SPATS2L: variants seen among roughly 807,000 people sequenced by gnomAD.
SPATS2L encodes SPATS2-like protein.
Under a neutral mutation model 59.6 loss-of-function variants are expected in SPATS2L, and 30 were observed. That is an observed-to-expected ratio of 0.50 (90% CI 0.38 to 0.68). SPATS2L has a LOEUF of 0.68. Among genes scored for constraint, SPATS2L ranks in the 30% least tolerant of loss-of-function variants. The pLI is 0.00. For synonymous variants in SPATS2L, 252 were observed against 263.5 expected (o/e 0.96, Z 0.42); for missense variants, 615 against 700.0 (o/e 0.88, Z 1.37).
Position 200,477,737 on chromosome 2 carries a change from A to T in SPATS2L, c.1383A>T (p.Pro461=), listed in dbSNP as rs755188798. ...KSQGSGNEAE[P]LGKGNSRHEH... Reference sequence around the variant, plus strand: ...AGGGCAGTGGGAATGAAGCCGAGCCACTGGGAAAGGGCAACAGCCGCCACG... The same window carrying T: ...AGGGCAGTGGGAATGAAGCCGAGCCTCTGGGAAAGGGCAACAGCCGCCACG... The change falls in exon 13 of 13, where the codon CCA becomes CCT. Residue 461 remains proline (P), a synonymous_variant. Transcript: ENST00000409140. The T allele has an allele frequency of 7.6e-6, 12 of 1,575,080 alleles. No individual in the cohort carries two copies. Among genetic ancestry groups the T allele is most frequent in the Non-Finnish European group, 1.0e-5 (12 of 1,160,454 alleles).
chr2:200,352,365 ATATATATG>A, intron 2 of SPATS2L, among the ~76,000 whole-genome samples: 1 of 85,896 alleles, frequency 1.2e-5, no homozygotes, highest in Non-Finnish European at 2.5e-5. Context: ...ATATATATAT[ATATATATG>A]GTAAACAAGC....
chr2:200,306,591 G>A (rs899754157), upstream of SPATS2L: 3 of 1,000,388 alleles, frequency 3.0e-6, no homozygotes, highest in African/African-American at 1.8e-5. Context: ...CGGCTGGGGT[G>A]TGTGCTCCTG....
At chr2:200,453,600 T>C (rs1040191951) in intron 8 of SPATS2L, among the ~76,000 whole-genome samples, 1 of 152,166 alleles carries the variant, frequency 6.6e-6, no homozygotes, top group Non-Finnish European at 1.5e-5. Context: ...ACACAGATGC[T>C]CAGTGCTAGC....
chr2:200,323,834 G>GA (rs2079642262), intron 1 of SPATS2L, among the ~76,000 whole-genome samples: 1 of 152,282 alleles, frequency 6.6e-6, no homozygotes, highest in African/African-American at 2.4e-5. Flanking sequence ...CTATAAGGTA[G>GA]AAAAAAGATT....
At chr2:200,460,051 G>T (rs1383996300) in intron 9 of SPATS2L, among the ~76,000 whole-genome samples, 1 of 152,176 alleles carries the variant, frequency 6.6e-6, no homozygotes, top group Non-Finnish European at 1.5e-5. Flanking sequence ...GTACAGGTGA[G>T]TACATGGCAG....
At chr2:200,310,341 CTG>C (rs2079153571) in intron 1 of SPATS2L, among the ~76,000 whole-genome samples, 1 of 152,188 alleles carries the variant, frequency 6.6e-6, no homozygotes, top group Admixed American at 6.5e-5. Context: ...CTCTGTGAAA[CTG>C]TGTTATCAAG....
intron 1 of SPATS2L, among the ~76,000 whole-genome samples, chr2:200,307,326 G>C (rs2079056023): frequency 6.6e-6 from 1 of 151,744 alleles, no homozygotes; most frequent in African/African-American, 2.4e-5. Flanking sequence ...CTCCCAAGCC[G>C]GAAAGAGACC....
At chr2:200,331,638 A>C (rs1352396527) in intron 2 of SPATS2L, among the ~76,000 whole-genome samples, 1 of 152,230 alleles carries the variant, frequency 6.6e-6, no homozygotes, top group African/African-American at 2.4e-5. Context: ...TGGTCAAGTT[A>C]GTCCCCCTCT....
chr2:200,450,755 AG>A (rs766863875), intron 8 of SPATS2L, among the ~76,000 whole-genome samples: 3 of 152,114 alleles, frequency 2.0e-5, no homozygotes, highest in Admixed American at 6.5e-5. Flanking sequence ...AGAAAGACTG[AG>A]GGATAAAGAC....
intron 10 of SPATS2L, among the ~76,000 whole-genome samples, chr2:200,468,492 T>A (rs6747833): frequency 0.27 from 41,296 of 152,022 alleles, 5,727 homozygotes; most frequent in South Asian, 0.29. Flanking sequence ...TGGCAATGAT[T>A]GACAGTGGCA....
At chr2:200,334,564 G>A (rs373544655) in intron 2 of SPATS2L, among the ~76,000 whole-genome samples, 16,060 of 151,508 alleles carry the variant, frequency 0.11, 1,017 homozygotes, top group Middle Eastern at 0.23. Context: ...TGCTTTTGGT[G>A]TTTTAGACAT....
chr2:200,383,520 T>C (rs2081893507), intron 2 of SPATS2L, among the ~76,000 whole-genome samples: 1 of 152,168 alleles, frequency 6.6e-6, no homozygotes, highest in Non-Finnish European at 1.5e-5. Context: ...AGTCACTGTT[T>C]TCCATCACAA....
intron 1 of SPATS2L, among the ~76,000 whole-genome samples, chr2:200,317,009 T>C (rs1433030001): frequency 6.6e-6 from 1 of 152,202 alleles, no homozygotes; most frequent in Non-Finnish European, 1.5e-5. Context: ...TAAATTATGG[T>C]GCATTCATAT....
Position 200,479,472 on chromosome 2 carries a change from T to C in SPATS2L, c.*1441T>C, listed in dbSNP as rs946147699. On this transcript the variant is annotated 3_prime_UTR_variant, in exon 13 of 13. Transcript: ENST00000409140. ...AGTGAATGGGATGAACTAATTTGCA[T>C]AGACTAATTAGAGCCCACCCCTGGA... The C allele has an allele frequency of 2.5e-6, 1 of 398,252 alleles. No homozygotes were observed. Among genetic ancestry groups the C allele is most frequent in the Non-Finnish European group, 4.4e-6 (1 of 226,044 alleles). 24.7% of individuals were successfully genotyped at this position (398,252 alleles called of 1,614,324 possible). A position where few individuals can be genotyped will look rare whatever the true frequency, so the allele number is the denominator to read the frequency against.
At position 200,329,425 on chromosome 2, in the gene SPATS2L, T is replaced by G; in HGVS notation, c.-72-6T>G. The G allele has an allele frequency of 6.4e-7, 1 of 1,550,456 alleles. No homozygotes were observed. Among genetic ancestry groups the G allele is most frequent in the Non-Finnish European group, 8.7e-7 (1 of 1,146,912 alleles). ...GCCTGACTTCCCAAATTTCCATTTT[T>G]CCTAGAGCTCTTCAGAAACCAGGCT... On this transcript the variant is annotated splice_polypyrimidine_tract_variant and splice_region_variant and intron_variant, in intron 1 of 12. Coordinates refer to ENST00000409140, the MANE Select transcript of SPATS2L (RefSeq NM_001100423.2).
intron 2 of SPATS2L, among the ~76,000 whole-genome samples, chr2:200,387,504 A>T (rs562386122): frequency 7.2e-5 from 11 of 152,322 alleles, no homozygotes; most frequent in African/African-American, 2.6e-4. Context: ...CCTAGTTGAG[A>T]ATAATTTGAG....
intron 1 of SPATS2L, among the ~76,000 whole-genome samples, chr2:200,320,641 C>T (rs910206667): frequency 6.6e-6 from 1 of 152,138 alleles, no homozygotes; most frequent in Non-Finnish European, 1.5e-5. Context: ...ACAGAGAGAG[C>T]TCTGATGGCA....
At chr2:200,333,129 A>T (rs1395566560) in intron 2 of SPATS2L, among the ~76,000 whole-genome samples, 2 of 151,794 alleles carry the variant, frequency 1.3e-5, no homozygotes, top group Non-Finnish European at 1.5e-5. Context: ...ATACAAAAAA[A>T]AAACACCTTA....
At chr2:200,393,178 T>A (rs538321575) in intron 3 of SPATS2L, 1 of 456,614 alleles carries the variant, frequency 2.2e-6, no homozygotes, top group African/African-American at 2.0e-5. Context: ...ATAGAACAGC[T>A]CCTAAAGTTG....
Sources: allele counts gnomAD v4.1 joint callset (sites outside exome capture counted in the v4.1 genomes callset), GRCh38; gene constraint gnomAD v4.1.1; transcripts MANE v1.5; gene names NCBI Gene and HGNC (gene_info 2026-07-23, HGNC 2026-07-21).